Variants in EMILIN2 observed in about 807,000 individuals in gnomAD.
EMILIN2 encodes elastin microfibril interfacer 2.
In EMILIN2, 71 loss-of-function variants were observed where a neutral mutation model predicts 87.1. The ratio of observed to expected loss-of-function variants is 0.82; its 90% CI spans 0.67 to 0.99. The LOEUF is 0.99. EMILIN2 is among the 50% of genes least tolerant of loss of function. EMILIN2 has a pLI of 0.00. For synonymous variants in EMILIN2, 581 were observed against 563.4 expected, an observed-to-expected ratio of 1.03 and a Z score of -0.44; for missense variants, 1,407 against 1,371.8, an observed-to-expected ratio of 1.03 and a Z score of -0.40.
rs2076962019 is a variant in EMILIN2 at position 2,915,321 on chromosome 18, G to A, written c.*1917G>A. The A allele has an allele frequency of 6.6e-6, 1 of 152,262 alleles. No individual in the cohort carries two copies. The highest frequency in any genetic ancestry group is 2.1e-4 in the South Asian group (1 of 4,832). 9.4% of individuals were successfully genotyped at this position (152,262 alleles called of 1,614,324 possible). A position where few individuals can be genotyped will look rare whatever the true frequency, so the allele number is the denominator to read the frequency against. Reference sequence around the variant, plus strand: ...ACTTTGAGATAAAGCTGGATGACAGGTGGATCCTGGCCCACTTAGGAGACA... The same window carrying A: ...ACTTTGAGATAAAGCTGGATGACAGATGGATCCTGGCCCACTTAGGAGACA... On this transcript the variant is annotated 3_prime_UTR_variant, in exon 8 of 8. Transcript: ENST00000254528.
rs942874736 is a variant in EMILIN2, at chr18:2,891,413, G to A, written c.1286G>A (p.Arg429Lys). The A allele has an allele frequency of 6.2e-7, 1 of 1,614,230 alleles. No homozygotes were observed. The highest frequency in any genetic ancestry group is 1.3e-5 in the African/African-American group (1 of 75,070). ...GAAGCCACCAGAATGCTGAATGGAA[G>A]ACTGGACAATGAGTTTGACCGCCTT... ...VAEATRMLNG[R>K]LDNEFDRLIV... Residue 429 changes from arginine to lysine, a missense_variant, in exon 4 of 8, where the codon AGA becomes AAA. Arg to Lys is a conservative substitution (Grantham distance 26). Coordinates refer to ENST00000254528, the MANE Select transcript of EMILIN2 (RefSeq NM_032048.3). This position sits in a 1 kb window ranked among gnomAD's most constrained non-coding sequence, Gnocchi z 4.6.
At chr18:2,850,115 T>TA (rs1323674032) in intron 2 of EMILIN2, among the ~76,000 whole-genome samples, 12 of 130,640 alleles carry the variant, frequency 9.2e-5, no homozygotes, top group African/African-American at 3.7e-4. Context: ...TTTTTTTTTG[T>TA]ATTTTTAGTA....
intron 2 of EMILIN2, among the ~76,000 whole-genome samples, chr18:2,882,424 C>G (rs942081124): frequency 1.3e-5 from 2 of 152,176 alleles, no homozygotes; most frequent in Non-Finnish European, 2.9e-5. Flanking sequence ...CTGGGTGATT[C>G]TGATGGCTCA....
In EMILIN2 at chr18:2,891,785, G is replaced by T. The variant is rs1486570343; in HGVS notation, c.1658G>T (p.Cys553Phe). 3 of 1,614,198 alleles carry T rather than the reference G, an allele frequency of 1.9e-6. No individual in the cohort carries two copies. Among genetic ancestry groups the T allele is most frequent in the African/African-American group, 1.3e-5 (1 of 75,044 alleles). ...KDKVQVVEDI[C>F]LLNIQGKPHG... is the part of the protein sequence containing the mutation. ...AAAGTTCAAGTTGTTGAAGACATTT[G>T]CCTGCTGAACATCCAGGGAAAGCCT... The change falls in exon 4 of 8, where the codon TGC becomes TTC. Residue 553 changes from cysteine (C) to phenylalanine (F), a missense_variant. Physicochemically the swap from Cys to Phe is radical, Grantham distance 205 (BLOSUM62 -2). Coordinates refer to ENST00000254528, the MANE Select transcript of EMILIN2 (RefSeq NM_032048.3). This position sits in a 1 kb window ranked among gnomAD's most constrained non-coding sequence, Gnocchi z 4.6.
chr18:2,909,793 AC>A lies in EMILIN2; in HGVS notation c.2799del (p.Asp933GlufsTer21). ...VVLFNKVLVN[D>X]GDVYNPSTGV... Reference sequence around the variant, plus strand: ...CTCTTTAACAAAGTGCTGGTGAACGACGGGGATGTTTACAACCCCAGCACCG... The same window carrying A: ...CTCTTTAACAAAGTGCTGGTGAACGAGGGGATGTTTACAACCCCAGCACCG... On this transcript the variant is annotated frameshift_variant, in exon 7 of 8. Transcript: ENST00000254528. LOFTEE classifies it high-confidence loss of function. The A allele has an allele frequency of 6.2e-7, 1 of 1,613,606 alleles. No homozygotes were observed. The highest frequency in any genetic ancestry group is 8.5e-7 in the Non-Finnish European group (1 of 1,179,816).
chr18:2,902,067 G>A, intron 4 of EMILIN2, among the ~76,000 whole-genome samples: 1 of 152,198 alleles, frequency 6.6e-6, no homozygotes, highest in South Asian at 2.1e-4. Context: ...TGGGTGTTGA[G>A]GGTGTAATGG....
In EMILIN2 at chr18:2,891,115, A is replaced by G. The variant is rs1473541064; in HGVS notation, c.988A>G (p.Met330Val). 1 of 1,613,920 alleles carries G rather than the reference A, an allele frequency of 6.2e-7. No individual in the cohort carries two copies. Among genetic ancestry groups the G allele is most frequent in the Non-Finnish European group, 8.5e-7 (1 of 1,179,798 alleles). ...SKIDALREELMEGMDRKLADL... is the reference protein window; with the variant it reads ...SKIDALREELVEGMDRKLADL... ...GATCGACGCCCTGAGAGAGGAGCTC[A>G]TGGAGGGCATGGACAGAAAGCTGGC... The change falls in exon 4 of 8, where the codon ATG becomes GTG. Residue 330 changes from methionine to valine, a missense_variant. By Grantham distance (21) the Met-to-Val change is conservative (BLOSUM62 1). Coordinates refer to ENST00000254528, the MANE Select transcript of EMILIN2 (RefSeq NM_032048.3). The surrounding 1 kb of genome is among the most constrained non-coding windows in gnomAD (Gnocchi z 4.6).
chr18:2,849,950 A>G lies in EMILIN2; in HGVS notation c.257+2019A>G, dbSNP rs182464397. Among the ~76,000 whole-genome samples, 331 of 152,228 alleles carry G rather than the reference A, an allele frequency of 2.2e-3. 1 individual carries two copies. The highest frequency in any genetic ancestry group is 7.8e-3 in the African/African-American group (322 of 41,528). On this transcript the variant is annotated intron_variant, in intron 2 of 7. Coordinates refer to ENST00000254528, the MANE Select transcript of EMILIN2 (RefSeq NM_032048.3). Reference sequence around the variant, plus strand: ...TTTTTTGTTTGTTTTGTTTTGAGACAGAGTCTTACCATGTCACCCAAGGTG... The same window carrying G: ...TTTTTTGTTTGTTTTGTTTTGAGACGGAGTCTTACCATGTCACCCAAGGTG...
Position 2,914,783 on chromosome 18 carries a change from AT to A in EMILIN2, c.*1382del, listed in dbSNP as rs1419163362. 6.6e-6 allele frequency: 1 copy of A among 150,864 alleles called. No individual in the cohort carries two copies. Among genetic ancestry groups the A allele is most frequent in the Non-Finnish European group, 1.5e-5 (1 of 67,732 alleles). The allele number at this position is 150,864 out of a possible 1,614,324, so 9.3% of individuals were successfully genotyped here. ...GCCACTGGACACTTCAGAGTTCCTTATTTACTCCCCCCGCCACAGCTAGGAA... is the reference window on the plus strand; with the variant it reads ...GCCACTGGACACTTCAGAGTTCCTTATTACTCCCCCCGCCACAGCTAGGAA... On this transcript the variant is annotated 3_prime_UTR_variant, in exon 8 of 8. Transcript: ENST00000254528.
Position 2,891,612 on chromosome 18 carries a change from G to A in EMILIN2, c.1485G>A (p.Gln495=). The change falls in exon 4 of 8, where the codon CAG becomes CAA. Residue 495 remains glutamine (Q), a synonymous_variant. Transcript: ENST00000254528. The surrounding 1 kb of genome is among the most constrained non-coding windows in gnomAD (Gnocchi z 4.6). The stretch of plus-strand genomic sequence containing the variant: ...AGCAGCTTGTTGATCAGAAAATACA[G>A]TCTCTGGAAGACCGTCTGGGGAGCG... ...DLKQLVDQKI[Q]SLEDRLGSVL... The A allele has an allele frequency of 6.2e-7, 1 of 1,614,058 alleles. No individual in the cohort carries two copies. The highest frequency in any genetic ancestry group is 1.1e-5 in the South Asian group (1 of 91,080).
Position 2,913,059 on chromosome 18 carries a change from C to G in EMILIN2, c.2825-8C>G. On this transcript the variant is annotated splice_polypyrimidine_tract_variant and splice_region_variant and intron_variant, in intron 7 of 7. Coordinates refer to ENST00000254528, the MANE Select transcript of EMILIN2 (RefSeq NM_032048.3). ...AGGTGAGCACAGGGTTTGCCTTTCT[C>G]CCCGCAGGGGTCTTCACGGCTCCTT... The G allele has an allele frequency of 6.2e-7, 1 of 1,606,698 alleles. No homozygotes were observed. The highest frequency in any genetic ancestry group is 8.5e-7 in the Non-Finnish European group (1 of 1,179,872).
chr18:2,893,841 G>A (rs759191480), intron 4 of EMILIN2, among the ~76,000 whole-genome samples: 4 of 152,170 alleles, frequency 2.6e-5, no homozygotes, highest in African/African-American at 4.8e-5. Flanking sequence ...GGGGAGCCAG[G>A]ATGGAAACCA....
intron 2 of EMILIN2, among the ~76,000 whole-genome samples, chr18:2,874,889 G>A (rs756740471): frequency 9.9e-5 from 15 of 152,238 alleles, no homozygotes; most frequent in African/African-American, 2.7e-4. Flanking sequence ...GTTTACAGGC[G>A]TGGCCTGTTT....
At chr18:2,909,879 C>A in intron 7 of EMILIN2, 60 bp downstream of exon 7, 40 of 1,578,178 alleles carry the variant, frequency 2.5e-5, no homozygotes, top group Non-Finnish European at 3.3e-5. Context: ...AGGTGGGACC[C>A]CTCCCACCAT....
At chr18:2,858,567 A>G (rs113376990) in intron 2 of EMILIN2, among the ~76,000 whole-genome samples, 3,762 of 58,458 alleles carry the variant, frequency 0.064, 617 homozygotes, top group African/African-American at 0.29. Flanking sequence ...ATATATATAT[A>G]TATGTGTGTG....
In EMILIN2 at chr18:2,890,680, C is replaced by G; in HGVS notation, c.553C>G (p.Gln185Glu). 5.0e-6 allele frequency: 8 copies of G among 1,614,138 alleles called. No individual in the cohort carries two copies. The highest frequency in any genetic ancestry group is 6.8e-6 in the Non-Finnish European group (8 of 1,180,030). Residue 185 changes from glutamine to glutamate, a missense_variant, in exon 4 of 8, where the codon CAG becomes GAG. Coordinates refer to ENST00000254528, the MANE Select transcript of EMILIN2 (RefSeq NM_032048.3). The surrounding 1 kb of genome is among the most constrained non-coding windows in gnomAD (Gnocchi z 4.7). ...GPQELQEKKI[Q>E]VLEEKVLRLT... is the part of the protein sequence containing the mutation. Reference sequence around the variant, plus strand: ...TCAGGAACTTCAGGAAAAGAAGATACAGGTGCTAGAGGAGAAGGTTCTTCG... The same window carrying G: ...TCAGGAACTTCAGGAAAAGAAGATAGAGGTGCTAGAGGAGAAGGTTCTTCG...
chr18:2,912,098 G>T (rs557097421), intron 7 of EMILIN2, among the ~76,000 whole-genome samples: 13 of 143,798 alleles, frequency 9.0e-5, no homozygotes, highest in Non-Finnish European at 1.3e-4. Context: ...GAGTGCAGTG[G>T]TGTCATCTCT....
intron 4 of EMILIN2, among the ~76,000 whole-genome samples, chr18:2,902,224 C>A (rs2076890872): frequency 6.6e-6 from 1 of 152,150 alleles, no homozygotes; most frequent in African/African-American, 2.4e-5. Context: ...GGGTGCATGG[C>A]CCATAGCGCC....
chr18:2,907,884 C>A (rs2076922291), intron 5 of EMILIN2, among the ~76,000 whole-genome samples: 1 of 152,192 alleles, frequency 6.6e-6, no homozygotes. Context: ...TAGAACAATG[C>A]AAACCAGTCA....
Sources: gnomAD v4.1 joint callset for allele counts (sites outside exome capture counted in the v4.1 genomes callset) on GRCh38, gnomAD v4.1.1 for gene constraint, Gnocchi (gnomAD v3.1) non-coding constraint, MANE v1.5 for transcripts, NCBI Gene and HGNC (gene_info 2026-07-23, HGNC 2026-07-21) for gene names.